Variants in UBE2D3 observed in about 807,000 individuals in gnomAD.
UBE2D3 encodes the protein ubiquitin-conjugating enzyme E2 D3.
In UBE2D3, 2 loss-of-function variants were observed where a neutral mutation model predicts 22.8. The ratio of observed to expected loss-of-function variants is 0.09; its 90% CI spans 0.04 to 0.28. The LOEUF is 0.28. Among genes scored for constraint, UBE2D3 ranks in the 10% least tolerant of loss-of-function variants. The pLI, the probability that UBE2D3 is intolerant of heterozygous loss-of-function variation, is 1.00. For synonymous variants in UBE2D3, 56 were observed against 60.4 expected, an observed-to-expected ratio of 0.93 and a Z score of 0.34; for missense variants, 27 against 182.5, an observed-to-expected ratio of 0.15 and a Z score of 4.91.
chr4:102,868,824 G>C, exon 1 of UBE2D3: 2 of 1,599,970 alleles, frequency 1.3e-6, no homozygotes, highest in Admixed American at 1.7e-5. Flanking sequence ...CCCAAGAGGA[G>C]GGCCACCTTC....
At chr4:102,825,231 A>C in intron 2 of UBE2D3, 1 of 985,820 alleles carries the variant, frequency 1.0e-6, no homozygotes, top group Non-Finnish European at 1.2e-6. Context: ...AAAGTTTCTA[A>C]CACTCACCGA....
At chr4:102,809,251 G>A (rs1727568054) in intron 4 of UBE2D3, 1 of 252,002 alleles carries the variant, frequency 4.0e-6, no homozygotes, top group Admixed American at 4.5e-5. Flanking sequence ...GTTCTATAAA[G>A]AATCAAATAT....
intron 2 of UBE2D3, among the ~76,000 whole-genome samples, chr4:102,817,613 G>A (rs1728959061): frequency 6.6e-6 from 1 of 152,022 alleles, no homozygotes; most frequent in African/African-American, 2.4e-5. Context: ...GCAAACTGAG[G>A]GAAAAAAATT....
Position 102,796,377 on chromosome 4 carries a change from G to C in UBE2D3, c.*1038C>G, listed in dbSNP as rs1725273849. On this transcript the variant is annotated 3_prime_UTR_variant, in exon 8 of 8. Transcript: ENST00000453744. ...ACATTAAAGCTACACTATCCAAATA[G>C]CTTATTAATTCTGCATAAATCAGGT... 6.6e-6 allele frequency: 1 copy of C among 152,376 alleles called. No individual in the cohort carries two copies. Among genetic ancestry groups the C allele is most frequent in the Admixed American group, 6.6e-5 (1 of 15,222 alleles). 9.4% of individuals were successfully genotyped at this position (152,376 alleles called of 1,614,324 possible).
intron 1 of UBE2D3, among the ~76,000 whole-genome samples, chr4:102,844,851 T>C (rs979783046): frequency 3.3e-5 from 5 of 151,960 alleles, no homozygotes; most frequent in South Asian, 2.1e-4. Flanking sequence ...AAACCCTGTC[T>C]CTACTAAAAA....
At chr4:102,841,411 T>C (rs1228162420) in intron 1 of UBE2D3, among the ~76,000 whole-genome samples, 1 of 152,146 alleles carries the variant, frequency 6.6e-6, no homozygotes, top group Non-Finnish European at 1.5e-5. Context: ...TGTCCAGATT[T>C]CTAAAACTCA....
chr4:102,827,519 A>G lies in UBE2D3; in HGVS notation c.-221T>C, dbSNP rs1578273194. ...CGGCCCTACGGGGCTCACGCGCACG[A>G]CACAGCCACAAGATGTCCGCTCTGA... On this transcript the variant is annotated 5_prime_UTR_variant, in exon 1 of 8. Transcript: ENST00000453744. 1 of 986,032 alleles carries G rather than the reference A, an allele frequency of 1.0e-6. No individual in the cohort carries two copies. The highest frequency in any genetic ancestry group is 4.7e-5 in the South Asian group (1 of 21,344). The allele number at this position is 986,032 out of a possible 1,614,324, so 61.1% of individuals were successfully genotyped here. A position where few individuals can be genotyped will look rare whatever the true frequency, so the allele number is the denominator to read the frequency against.
intron 1 of UBE2D3, among the ~76,000 whole-genome samples, chr4:102,854,510 T>C (rs999165633): frequency 3.9e-5 from 6 of 152,224 alleles, no homozygotes; most frequent in Admixed American, 3.9e-4. Flanking sequence ...ATGTTAAAGA[T>C]TGTTTTATCT....
chr4:102,853,747 GTCTC>G (rs1212911134), intron 1 of UBE2D3, among the ~76,000 whole-genome samples: 2 of 152,024 alleles, frequency 1.3e-5, no homozygotes, highest in Non-Finnish European at 2.9e-5. Flanking sequence ...CAAAACATCT[GTCTC>G]TCTCTACACA....
chr4:102,834,567 T>C (rs1731289724), intron 1 of UBE2D3, among the ~76,000 whole-genome samples: 1 of 151,814 alleles, frequency 6.6e-6, no homozygotes. Flanking sequence ...TTGGGCAACA[T>C]GGCAAAACCC....
rs1019096134 is a variant in UBE2D3, at chr4:102,795,645, T to A, written c.*1770A>T. Reference sequence around the variant, plus strand: ...GAAGGCATGCATTTCACTTCCAGTTTAGAGAAGAACCTTAAGTCAATAAAT... The same window carrying A: ...GAAGGCATGCATTTCACTTCCAGTTAAGAGAAGAACCTTAAGTCAATAAAT... On this transcript the variant is annotated 3_prime_UTR_variant, in exon 8 of 8. Coordinates refer to ENST00000453744, the MANE Select transcript of UBE2D3 (RefSeq NM_181891.3). 2 of 152,096 alleles carry A rather than the reference T, an allele frequency of 1.3e-5. No homozygotes were observed. The highest frequency in any genetic ancestry group is 4.8e-5 in the African/African-American group (2 of 41,446). The allele number at this position is 152,096 out of a possible 1,614,324, so 9.4% of individuals were successfully genotyped here.
At chr4:102,852,941 TCA>T (rs746556745) in intron 1 of UBE2D3, among the ~76,000 whole-genome samples, 20 of 152,104 alleles carry the variant, frequency 1.3e-4, no homozygotes, top group Non-Finnish European at 2.1e-4. Flanking sequence ...AAAAGATGTT[TCA>T]CCTCACTTGT....
At chr4:102,816,875 T>C (rs986838674) in intron 2 of UBE2D3, among the ~76,000 whole-genome samples, 7 of 152,134 alleles carry the variant, frequency 4.6e-5, no homozygotes, top group African/African-American at 1.7e-4. Flanking sequence ...ATAATTAAGA[T>C]AGAAATGCCT....
chr4:102,838,495 A>G (rs1731548278), intron 1 of UBE2D3, among the ~76,000 whole-genome samples: 1 of 152,194 alleles, frequency 6.6e-6, no homozygotes, highest in African/African-American at 2.4e-5. Flanking sequence ...TTGTGATGAC[A>G]TGACCCTTCA....
chr4:102,848,818 C>CA (rs962424963), intron 1 of UBE2D3, among the ~76,000 whole-genome samples: 9 of 150,362 alleles, frequency 6.0e-5, no homozygotes, highest in South Asian at 2.1e-4. Context: ...GACCTTGTCT[C>CA]AAAAAAAAGT....
At chr4:102,827,916 TC>T (rs1416451166), upstream of UBE2D3, 1 of 985,292 alleles carries the variant, frequency 1.0e-6, no homozygotes, top group African/African-American at 1.7e-5. Context: ...CCCACGCCCC[TC>T]CCCACAGCGT....
chr4:102,806,469 T>C (rs1344804028), intron 4 of UBE2D3, among the ~76,000 whole-genome samples: 1 of 152,104 alleles, frequency 6.6e-6, no homozygotes, highest in African/African-American at 2.4e-5. Flanking sequence ...CAGGTATCAG[T>C]AACCTACGTG....
chr4:102,839,196 A>G (rs183577267), intron 1 of UBE2D3, among the ~76,000 whole-genome samples: 1 of 152,352 alleles, frequency 6.6e-6, no homozygotes, highest in Non-Finnish European at 1.5e-5. Flanking sequence ...ACTGTCTTAC[A>G]CTTTAGGGTC....
intron 1 of UBE2D3, 127 bp from the exon 2 acceptor site, chr4:102,826,763 T>G: frequency 2.3e-6 from 3 of 1,311,394 alleles, no homozygotes; most frequent in Non-Finnish European, 2.9e-6. Context: ...CAACAGCCTC[T>G]GTACCGTGCT....
Sources: gnomAD v4.1 joint callset for allele counts (sites outside exome capture counted in the v4.1 genomes callset) on GRCh38, gnomAD v4.1.1 for gene constraint, MANE v1.5 for transcripts, NCBI Gene and HGNC (gene_info 2026-07-23, HGNC 2026-07-21) for gene names.